The following NAA38 variants were observed in gnomAD, a reference collection of about 807,000 sequenced individuals.
NAA38 encodes the protein LSM domain containing 1.
Under a neutral mutation model 12.6 loss-of-function variants are expected in NAA38, and 15 were observed. The ratio of observed to expected loss-of-function variants is 1.19; its 90% CI spans 0.79 to 1.83. The LOEUF (loss-of-function observed/expected upper bound fraction) is 1.83, where lower values mean the gene tolerates loss of function less well. Ranked by LOEUF, NAA38 falls within the 40% of genes most tolerant of loss-of-function variation. The probability of loss-of-function intolerance (pLI) is 0.00; values close to 1 mark genes in which losing one functional copy is unlikely to be tolerated. For missense variants in NAA38, 183 were observed against 171.7 expected (o/e 1.07, Z -0.37); for synonymous variants, 88 against 69.9 (o/e 1.26, Z -1.29).
chr17:7,877,372 AT>A (rs112052153), intron 2 of NAA38, among the ~76,000 whole-genome samples: 14,838 of 145,854 alleles, frequency 0.1, 765 homozygotes, highest in South Asian at 0.16. Flanking sequence ...AAATGATGTC[AT>A]TTTTTTTTTT....
At chr17:7,884,757 A>AGGCG (rs1320155991) in intron 1 of NAA38, 4 of 113,558 alleles carry the variant, frequency 3.5e-5, no homozygotes, top group Admixed American at 1.5e-4. Context: ...GCGGTGGGGG[A>AGGCG]GGCGGGCGGG....
intron 2 of NAA38, among the ~76,000 whole-genome samples, chr17:7,881,367 G>A (rs1466072898): frequency 6.6e-6 from 1 of 152,062 alleles, no homozygotes; most frequent in Non-Finnish European, 1.5e-5. Flanking sequence ...GGCAGCGAGA[G>A]ACTGGGAAAA....
chr17:7,879,615 T>C (rs758325846), intron 2 of NAA38, among the ~76,000 whole-genome samples: 7 of 151,156 alleles, frequency 4.6e-5, no homozygotes, highest in Admixed American at 2.7e-4. Flanking sequence ...GAGTTCTTTG[T>C]TCTCACCTTA....
At chr17:7,884,973 C>A (rs1190415200) in intron 1 of NAA38, 4 of 1,136,882 alleles carry the variant, frequency 3.5e-6, no homozygotes, top group African/African-American at 1.7e-5. Flanking sequence ...GGGCGCGGGC[C>A]GGGCCACGAC....
At chr17:7,885,073 CCCG>C in intron 1 of NAA38, 1 of 981,436 alleles carries the variant, frequency 1.0e-6, no homozygotes, top group Non-Finnish European at 1.2e-6. Context: ...CGCCGCCGCC[CCCG>C]CCGCCAGGTA....
chr17:7,856,978 A>C (rs761836552), intron 2 of NAA38, 37 bp downstream of exon 2: 5 of 1,591,318 alleles, frequency 3.1e-6, no homozygotes, highest in East Asian at 4.5e-5. Context: ...AGGTTCCGCC[A>C]CATTACCAGG....
At chr17:7,875,239 T>C (rs7217873) in intron 2 of NAA38, among the ~76,000 whole-genome samples, 15,051 of 152,138 alleles carry the variant, frequency 0.099, 1,754 homozygotes, top group African/African-American at 0.28. Flanking sequence ...TAAGTAATAT[T>C]TTAATGGTTT....
chr17:7,885,241 C>T (rs1266309601), upstream of NAA38: 1 of 620,730 alleles, frequency 1.6e-6, no homozygotes, highest in Non-Finnish European at 2.0e-6. Context: ...TCCGGGAGGT[C>T]GGGGCGGGCG....
chr17:7,882,713 C>G (rs1359865598), intron 2 of NAA38, among the ~76,000 whole-genome samples: 1 of 152,080 alleles, frequency 6.6e-6, no homozygotes, highest in Non-Finnish European at 1.5e-5. Context: ...GAAACCAACA[C>G]CCAATAAAGT....
At chr17:7,867,927 G>A (rs1043197004) in intron 2 of NAA38, among the ~76,000 whole-genome samples, 1 of 152,218 alleles carries the variant, frequency 6.6e-6, no homozygotes, top group African/African-American at 2.4e-5. Flanking sequence ...CTAGGAGGAT[G>A]GTGAGTCCAC....
At chr17:7,861,825 T>G (rs147577981), upstream of NAA38, 2 of 152,372 alleles carry the variant, frequency 1.3e-5, no homozygotes, top group Non-Finnish European at 2.9e-5. Context: ...CGAACTTTCC[T>G]TAGCTTCTTC....
intron 2 of NAA38, among the ~76,000 whole-genome samples, chr17:7,882,474 G>C (rs996403469): frequency 5.3e-5 from 8 of 152,110 alleles, no homozygotes; most frequent in African/African-American, 1.9e-4. Flanking sequence ...GGGTCCAAGG[G>C]ATGAGAAGGA....
At chr17:7,869,570 T>G (rs1279464227) in intron 2 of NAA38, among the ~76,000 whole-genome samples, 2 of 152,080 alleles carry the variant, frequency 1.3e-5, no homozygotes, top group Non-Finnish European at 2.9e-5. Context: ...AAGACCAGCC[T>G]GGCCAACATG....
chr17:7,877,119 G>T, intron 2 of NAA38: 1 of 341,630 alleles, frequency 2.9e-6, no homozygotes, highest in Non-Finnish European at 5.8e-6. Flanking sequence ...TATCCCATTT[G>T]GCTCCAGTTG....
At chr17:7,871,603 C>T (rs1249945401) in intron 2 of NAA38, among the ~76,000 whole-genome samples, 2 of 152,270 alleles carry the variant, frequency 1.3e-5, no homozygotes, top group East Asian at 3.9e-4. Context: ...CCGACCCCAG[C>T]AGCTTCTTGA....
intron 2 of NAA38, among the ~76,000 whole-genome samples, chr17:7,875,401 T>A (rs1184443426): frequency 1.3e-5 from 2 of 152,036 alleles, no homozygotes; most frequent in African/African-American, 4.8e-5. Context: ...AGTGGTGTAA[T>A]CATAGCTCAC....
intron 1 of NAA38, chr17:7,884,869 A>T: frequency 8.3e-7 from 1 of 1,210,944 alleles, no homozygotes; most frequent in Non-Finnish European, 1.1e-6. Context: ...CGGAGGAGGA[A>T]GAAGAGGAGG....
intron 2 of NAA38, among the ~76,000 whole-genome samples, chr17:7,870,749 C>CAGTGG (rs1193158697): frequency 6.6e-6 from 1 of 151,786 alleles, no homozygotes; most frequent in Non-Finnish European, 1.5e-5. Flanking sequence ...TAGCCCAGTG[C>CAGTGG]AGTGGTGCAC....
intron 2 of NAA38, among the ~76,000 whole-genome samples, chr17:7,880,580 C>T (rs1295344215): frequency 6.6e-6 from 1 of 152,184 alleles, no homozygotes; most frequent in Non-Finnish European, 1.5e-5. Context: ...CCTAGGTCGA[C>T]AACCTAAAGG....
Sources: allele counts gnomAD v4.1 joint callset (sites outside exome capture counted in the v4.1 genomes callset), GRCh38; gene constraint gnomAD v4.1.1; transcripts MANE v1.5; gene names NCBI Gene and HGNC (gene_info 2026-07-23, HGNC 2026-07-21).